ZSCAN31: variants seen among roughly 807,000 people sequenced by gnomAD.
ZSCAN31 encodes zinc finger and SCAN domain containing 31, also known as zinc finger and SCAN domain-containing protein 31.
A neutral mutation model predicts 22.5 loss-of-function variants in ZSCAN31; 14 were observed. The ratio of observed to expected loss-of-function variants is 0.62; its 90% confidence interval spans 0.41 to 0.97. The LOEUF is 0.97. ZSCAN31 is among the 50% of genes least tolerant of loss of function. The pLI, the probability that ZSCAN31 is intolerant of heterozygous loss-of-function variation, is 0.00. For missense variants in ZSCAN31, 424 were observed against 483.4 expected, an observed-to-expected ratio of 0.88 and a Z score of 1.15; for synonymous variants, 168 against 169.8, an observed-to-expected ratio of 0.99 and a Z score of 0.08.
intron 1 of ZSCAN31, chr6:28,335,465 C>G (rs1009188889): frequency 6.6e-6 from 1 of 152,318 alleles, no homozygotes; most frequent in African/African-American, 2.4e-5. Context: ...GGTATGGACA[C>G]GGTGGGTTCT....
chr6:28,326,784 C>A lies in ZSCAN31; in HGVS notation c.603G>T (p.Leu201Phe). 1.9e-6 allele frequency: 3 copies of A among 1,613,720 alleles called. No individual in the cohort carries two copies. The highest frequency in any genetic ancestry group is 2.2e-5 in the East Asian group (1 of 44,886). ...CATCTCTTTGGAGTTTGCTATCCCC[C>A]AAATGTTCCATTTCTTTTAAGATTT... ...KQEILKEMEH[L>F]GDSKLQRDVS... Residue 201 changes from leucine to phenylalanine, a missense_variant, in exon 4 of 4, where the codon TTG (leucine) becomes TTT (phenylalanine). Coordinates refer to ENST00000344279, the MANE Select transcript of ZSCAN31 (RefSeq NM_030899.5).
chr6:28,340,599 CTT>C (rs1013888601), upstream of ZSCAN31, among the ~76,000 whole-genome samples: 21 of 152,326 alleles, frequency 1.4e-4, no homozygotes, highest in African/African-American at 4.6e-4. Flanking sequence ...AACCTCCTCT[CTT>C]TATAAATTAC....
At position 28,349,692 on chromosome 6, in the gene ZSCAN31, C is replaced by A. The variant is rs1191468469; in HGVS notation, c.-371+4170G>T. Reference sequence around the variant, plus strand: ...TAATTTTCCGATTTTTCCAGGGCTTCTTTGTGCCACACACGCACACATAAT... The same window carrying A: ...TAATTTTCCGATTTTTCCAGGGCTTATTTGTGCCACACACGCACACATAAT... On this transcript the variant is annotated intron_variant, in intron 2 of 7. Transcript: ENST00000396838. This position sits in a 1 kb window ranked among gnomAD's most constrained non-coding sequence, Gnocchi z 4.1. Among the ~76,000 whole-genome samples, 1 of 152,220 alleles carries A rather than the reference C, an allele frequency of 6.6e-6. No homozygotes were observed. The highest frequency in any genetic ancestry group is 1.9e-4 in the East Asian group (1 of 5,202).
At chr6:28,354,186 T>A in exon 1 of ZSCAN31, 1 of 346,086 alleles carries the variant, frequency 2.9e-6, no homozygotes, top group South Asian at 2.2e-5. Context: ...AGTTTTTCTC[T>A]CTCTCTCTGG....
Position 28,331,867 on chromosome 6 carries a change from C to T in ZSCAN31, c.-95-2089G>A, listed in dbSNP as rs1351041573. On this transcript the variant is annotated intron_variant, in intron 1 of 3. Coordinates refer to ENST00000344279, the MANE Select transcript of ZSCAN31 (RefSeq NM_030899.5). The surrounding 1 kb of genome is among the most constrained non-coding windows in gnomAD (Gnocchi z 4.8). ...CACTACAGGCAATCTCTCACATACC[C>T]AAAGCCACAGGTGGAGTATTTCTCC... Among the ~76,000 whole-genome samples the T allele has an allele frequency of 6.6e-6, 1 of 152,162 alleles. No individual in the cohort carries two copies. The highest frequency in any genetic ancestry group is 2.4e-5 in the African/African-American group (1 of 41,428).
At position 28,331,109 on chromosome 6, in the gene ZSCAN31, G is replaced by GT. The variant is rs1282942818; in HGVS notation, c.-95-1332dup. Reference sequence around the variant, plus strand: ...ATGGCCTTCAACTCTAGGCTTAGACGTTAGACTTGACTTTATGGAAAACTG... The same window carrying GT: ...ATGGCCTTCAACTCTAGGCTTAGACGTTTAGACTTGACTTTATGGAAAACTG... On this transcript the variant is annotated intron_variant, in intron 1 of 3. Transcript: ENST00000344279. This position sits in a 1 kb window ranked among gnomAD's most constrained non-coding sequence, Gnocchi z 4.8. 6.6e-6 allele frequency among the ~76,000 whole-genome samples: 1 copy of GT among 152,114 alleles called. No individual in the cohort carries two copies. The highest frequency in any genetic ancestry group is 2.4e-5 in the African/African-American group (1 of 41,420).
At chr6:28,355,593 A>G (rs1765371453), upstream of ZSCAN31, 1 of 152,230 alleles carries the variant, frequency 6.6e-6, no homozygotes, top group South Asian at 2.1e-4. Flanking sequence ...TGCCTGCTGA[A>G]TAGCCTGTTT....
intron 1 of ZSCAN31, among the ~76,000 whole-genome samples, chr6:28,335,616 A>G (rs1394818023): frequency 1.3e-5 from 2 of 152,276 alleles, no homozygotes; most frequent in South Asian, 2.1e-4. Flanking sequence ...GCTAAGCAGC[A>G]GCTATGAATC....
At chr6:28,350,554 G>A (rs35744819) in intron 2 of ZSCAN31, among the ~76,000 whole-genome samples, 1 of 152,116 alleles carries the variant, frequency 6.6e-6, no homozygotes, top group African/African-American at 2.4e-5. Context: ...GTAAAATGGG[G>A]ATAATATTCC....
In ZSCAN31 at chr6:28,347,183, T is replaced by C. The variant is rs917237359; in HGVS notation, c.-370-5391A>G. Among the ~76,000 whole-genome samples the C allele has an allele frequency of 6.6e-6, 1 of 152,244 alleles. No individual in the cohort carries two copies. The highest frequency in any genetic ancestry group is 2.4e-5 in the African/African-American group (1 of 41,476). On this transcript the variant is annotated intron_variant, in intron 2 of 7. Transcript: ENST00000396838. This position sits in a 1 kb window ranked among gnomAD's most constrained non-coding sequence, Gnocchi z 5.2. ...AGTTCAACTACTCTGCCTAGCCCTA[T>C]TTCTTTAACTTCTTGTGTTATTCCT... is the stretch of plus-strand genomic sequence containing the variant.
At chr6:28,341,895 A>G (rs1764429289) in intron 2 of ZSCAN31, 1 of 152,218 alleles carries the variant, frequency 6.6e-6, no homozygotes, top group Non-Finnish European at 1.5e-5. Context: ...TTGTTGGCAT[A>G]CACTGTAAGA....
intron 1 of ZSCAN31, chr6:28,335,687 C>G (rs11970439): frequency 0.26 from 38,960 of 152,190 alleles, 5,712 homozygotes; most frequent in African/African-American, 0.4. Context: ...CAGGACAGCC[C>G]GCAGACTAAG....
chr6:28,350,704 A>G (rs213239), intron 2 of ZSCAN31, among the ~76,000 whole-genome samples: 12,386 of 152,156 alleles, frequency 0.081, 696 homozygotes, highest in African/African-American at 0.14. Flanking sequence ...TGGCTTTTGT[A>G]CGGTTGCTTT....
In ZSCAN31 at chr6:28,329,771, G is replaced by T; in HGVS notation, c.-88C>A. On this transcript the variant is annotated 5_prime_UTR_variant, in exon 2 of 4. Transcript: ENST00000344279. ...TTTTCTGATTTAATCTTCCTTAGGA[G>T]AAGACACCTGATGATAGAGCATTAT... 1 of 1,453,858 alleles carries T rather than the reference G, an allele frequency of 6.9e-7. No homozygotes were observed. The highest frequency in any genetic ancestry group is 9.2e-7 in the Non-Finnish European group (1 of 1,082,792). The allele number at this position is 1,453,858 out of a possible 1,614,324, so 90.1% of individuals were successfully genotyped here.
chr6:28,341,017 A>G (rs1764390275), upstream of ZSCAN31, among the ~76,000 whole-genome samples: 1 of 152,238 alleles, frequency 6.6e-6, no homozygotes. Flanking sequence ...TTTGAAGGAC[A>G]TTTCCACTGG....
chr6:28,345,768 C>T (rs1035790822), intron 2 of ZSCAN31, among the ~76,000 whole-genome samples: 2 of 152,172 alleles, frequency 1.3e-5, no homozygotes, highest in Non-Finnish European at 2.9e-5. Context: ...CTGGTTCTAT[C>T]ACACACTTAG....
chr6:28,331,196 A>T lies in ZSCAN31; in HGVS notation c.-95-1418T>A, dbSNP rs1763712624. 6.6e-6 allele frequency among the ~76,000 whole-genome samples: 1 copy of T among 152,208 alleles called. No homozygotes were observed. The highest frequency in any genetic ancestry group is 6.5e-5 in the Admixed American group (1 of 15,282). On this transcript the variant is annotated intron_variant, in intron 1 of 3. Transcript: ENST00000344279. The surrounding 1 kb of genome is among the most constrained non-coding windows in gnomAD (Gnocchi z 4.8). ...TAGATCTGTATTTATAGAAAATATT[A>T]AGATTCAGGATGGAAATGGTAAGAA...
Position 28,326,577 on chromosome 6 carries a change from T to C in ZSCAN31, c.810A>G (p.Glu270=). The C allele has an allele frequency of 6.2e-7, 1 of 1,614,180 alleles. No individual in the cohort carries two copies. The stretch of plus-strand genomic sequence containing the variant: ...TCCGGCTGAAGGCCTTCCCACATTC[T>C]TCACATTCATATGGCTTCTCCCCAG... ...IHTGEKPYEC[E]ECGKAFSRRS... The change falls in exon 4 of 4, where the codon GAA becomes GAG. Residue 270 remains glutamate (E), a synonymous_variant. Transcript: ENST00000344279.
At chr6:28,356,102 G>A (rs1247611746), upstream of ZSCAN31, 1 of 152,244 alleles carries the variant, frequency 6.6e-6, no homozygotes, top group Non-Finnish European at 1.5e-5. Flanking sequence ...TCAGGTTTAG[G>A]GACCAGTGGC....
Sources: gnomAD v4.1 joint callset for allele counts (sites outside exome capture counted in the v4.1 genomes callset) on GRCh38, gnomAD v4.1.1 for gene constraint, Gnocchi (gnomAD v3.1) non-coding constraint, MANE v1.5 for transcripts, NCBI Gene and HGNC (gene_info 2026-07-23, HGNC 2026-07-21) for gene names.